MAP4: variants seen among roughly 807,000 people sequenced by gnomAD.
The protein encoded by MAP4 is microtubule-associated protein 4.
MAP4 carries 76 observed loss-of-function variants against 170.2 expected under a neutral mutation model. That is an observed-to-expected ratio of 0.45 (90% CI 0.37 to 0.54). The LOEUF is 0.54. Ranked by LOEUF, MAP4 falls within the 20% of genes least tolerant of loss-of-function variation. The pLI is 0.00. For missense variants in MAP4, 2,506 were observed against 2,748.0 expected (o/e 0.91, Z 1.97); for synonymous variants, 909 against 994.5 (o/e 0.91, Z 1.62).
Position 47,963,546 on chromosome 3 carries a change from G to A in MAP4, c.292+14319C>T, listed in dbSNP as rs548620025. Among the ~76,000 whole-genome samples the A allele has an allele frequency of 2.5e-3, 382 of 152,200 alleles. 2 individuals are homozygous for A. Among genetic ancestry groups the A allele is most frequent in the Non-Finnish European group, 3.5e-3 (241 of 68,014 alleles). ...AGATAACATATTTCCAGAAAGATGCGTACCAATAACCTGGCAAGAATTATT... is the reference window on the plus strand; with the variant it reads ...AGATAACATATTTCCAGAAAGATGCATACCAATAACCTGGCAAGAATTATT... On this transcript the variant is annotated intron_variant, in intron 3 of 20. Coordinates refer to ENST00000683076, the MANE Select transcript of MAP4 (RefSeq NM_001385682.1).
chr3:48,066,430 AGTTAGCCCTCCAAAGCCACAG>A, intron 1 of MAP4, among the ~76,000 whole-genome samples: 1 of 152,284 alleles, frequency 6.6e-6, no homozygotes, highest in South Asian at 2.1e-4. Context: ...TTTGATATAT[AGTTAGCCCTCCAAAGCCACAG>A]GTTCCACATC....
At chr3:48,028,584 C>A (rs190266886) in intron 1 of MAP4, among the ~76,000 whole-genome samples, 3 of 151,128 alleles carry the variant, frequency 2.0e-5, no homozygotes, top group Admixed American at 1.3e-4. Flanking sequence ...ACCAGCCTGG[C>A]CAAGATGGTG....
chr3:47,853,393 A>G (rs562931714), intron 19 of MAP4, 41 bp from the exon 20 acceptor site: 21,599 of 850,276 alleles, frequency 0.025, 296 homozygotes, highest in Middle Eastern at 0.072. Context: ...GGGTCAGTCG[A>G]GGGGGGGAGT....
intron 3 of MAP4, among the ~76,000 whole-genome samples, chr3:47,947,210 C>T (rs1456571018): frequency 6.6e-6 from 1 of 152,006 alleles, no homozygotes; most frequent in Non-Finnish European, 1.5e-5. Flanking sequence ...TCTTTGGTTC[C>T]CTCAGATTCT....
At chr3:47,937,602 A>C (rs1341881953) in intron 3 of MAP4, among the ~76,000 whole-genome samples, 1 of 151,498 alleles carries the variant, frequency 6.6e-6, no homozygotes, top group Admixed American at 6.6e-5. Flanking sequence ...GAAGGTAGGA[A>C]TCAATCTCAG....
At chr3:48,004,556 G>C (rs1486530546) in intron 1 of MAP4, among the ~76,000 whole-genome samples, 2 of 152,206 alleles carry the variant, frequency 1.3e-5, no homozygotes, top group African/African-American at 2.4e-5. Flanking sequence ...CCCTGAGTGA[G>C]AGTCTTAGCT....
In MAP4 at chr3:47,990,891, T is replaced by C. The variant is rs1348504443; in HGVS notation, c.223+7747A>G. ...TGCAAAACAAGTAGTACACATATCC[T>C]GAAAAAGTATTTGAGAATTGTTTCC... On this transcript the variant is annotated intron_variant, in intron 2 of 20. Transcript: ENST00000683076. Among the ~76,000 whole-genome samples, 3 of 152,204 alleles carry C rather than the reference T, an allele frequency of 2.0e-5. 1 individual carries two copies. In the East Asian group the frequency reaches 5.8e-4, roughly 29 times the overall value.
chr3:48,019,770 G>T (rs1189855755), upstream of MAP4, among the ~76,000 whole-genome samples: 1 of 152,080 alleles, frequency 6.6e-6, no homozygotes, highest in Non-Finnish European at 1.5e-5. Flanking sequence ...CCAGCTCTTG[G>T]GAGGCTGAGG....
intron 3 of MAP4, among the ~76,000 whole-genome samples, chr3:47,949,974 C>T (rs1268181317): frequency 1.3e-5 from 2 of 152,214 alleles, no homozygotes; most frequent in Non-Finnish European, 2.9e-5. Flanking sequence ...GCTTCCTAGA[C>T]AGTTTTGTTG....
chr3:47,909,653 C>T lies in MAP4; in HGVS notation c.4768G>A (p.Ala1590Thr). 1 of 1,613,974 alleles carries T rather than the reference C, an allele frequency of 6.2e-7. No homozygotes were observed. Among genetic ancestry groups the T allele is most frequent in the Non-Finnish European group, 8.5e-7 (1 of 1,179,888 alleles). ...PVEDQSLPGE[A>T]RALEGYADRG... ...TCTGCATATCCTTCTAGGGCTCTGGCCTCTCCTGGTAGGCTCTGGTCTTCT... is the reference window on the plus strand; with the variant it reads ...TCTGCATATCCTTCTAGGGCTCTGGTCTCTCCTGGTAGGCTCTGGTCTTCT... The change falls in exon 9 of 21, where the codon GCC (alanine) becomes ACC (threonine). Residue 1590 changes from alanine to threonine, a missense_variant. Physicochemically the swap from Ala to Thr is moderately conservative, Grantham distance 58 (BLOSUM62 0). Transcript: ENST00000683076.
At position 47,955,441 on chromosome 3, in the gene MAP4, C is replaced by CGT. The variant is rs1167786447; in HGVS notation, c.292+22423_292+22424insAC. Among the ~76,000 whole-genome samples, 293 of 92,062 alleles carry CGT rather than the reference C, an allele frequency of 3.2e-3. 1 individual carries two copies. The highest frequency in any genetic ancestry group is 9.4e-3 in the African/African-American group (275 of 29,382). The allele number at this position is 92,062 out of a possible 152,430, so 60.4% of individuals were successfully genotyped here. A position where few individuals can be genotyped will look rare whatever the true frequency, so the allele number is the denominator to read the frequency against. The stretch of plus-strand genomic sequence containing the variant: ...AAATAAATAAATAAGCACGTACACA[C>CGT]ACACACACACACACACACACACACA... On this transcript the variant is annotated intron_variant, in intron 3 of 20. Coordinates refer to ENST00000683076, the MANE Select transcript of MAP4 (RefSeq NM_001385682.1).
rs189145360 is a variant in MAP4, at chr3:47,986,878, C to T, written c.224-8945G>A. ...TTAGGATTAGACCAAGTACACCTAC[C>T]CTAAATAAATATCTACCATTTTGGA... On this transcript the variant is annotated intron_variant, in intron 2 of 20. Transcript: ENST00000683076. Among the ~76,000 whole-genome samples the T allele has an allele frequency of 3.7e-3, 563 of 152,090 alleles. 19 individuals are homozygous for T. The highest frequency in any genetic ancestry group is 0.034 in the Admixed American group (521 of 15,290).
chr3:48,086,110 G>GTGTA (rs758264444), intron 1 of MAP4, among the ~76,000 whole-genome samples: 1 of 139,112 alleles, frequency 7.2e-6, no homozygotes, highest in Non-Finnish European at 1.5e-5. Context: ...ATATGTATAT[G>GTGTA]TGTATGTATA....
chr3:47,863,574 C>A (rs1477042364), intron 17 of MAP4, among the ~76,000 whole-genome samples: 1 of 152,074 alleles, frequency 6.6e-6, no homozygotes, highest in East Asian at 1.9e-4. Flanking sequence ...CTTGTGCTTA[C>A]ACAGGCTGCC....
At chr3:47,932,634 T>C (rs2100050540) in intron 3 of MAP4, among the ~76,000 whole-genome samples, 1 of 152,178 alleles carries the variant, frequency 6.6e-6, no homozygotes, top group African/African-American at 2.4e-5. Flanking sequence ...AGAAGTAGCA[T>C]CTTATTGTGG....
chr3:48,014,836 G>C (rs1426545944), intron 1 of MAP4, among the ~76,000 whole-genome samples: 1 of 152,154 alleles, frequency 6.6e-6, no homozygotes, highest in Non-Finnish European at 1.5e-5. Context: ...TAATTTAAAA[G>C]TGGGTAAGAA....
chr3:47,979,960 G>A (rs2100084527), intron 2 of MAP4, among the ~76,000 whole-genome samples: 1 of 152,012 alleles, frequency 6.6e-6, no homozygotes, highest in South Asian at 2.1e-4. Context: ...AAGTAGCTGG[G>A]ACCACAGGTG....
At chr3:47,951,905 G>A (rs899241791) in intron 3 of MAP4, among the ~76,000 whole-genome samples, 1 of 151,542 alleles carries the variant, frequency 6.6e-6, no homozygotes, top group Non-Finnish European at 1.5e-5. Context: ...AGGAAGTGAG[G>A]AGCGCCTCTT....
intron 1 of MAP4, among the ~76,000 whole-genome samples, chr3:48,034,051 G>A (rs1205074704): frequency 6.6e-6 from 1 of 152,078 alleles, no homozygotes; most frequent in Non-Finnish European, 1.5e-5. Context: ...CTTTCTACAC[G>A]TGGCCAACCA....
Sources: gnomAD v4.1 joint callset for allele counts (sites outside exome capture counted in the v4.1 genomes callset) on GRCh38, gnomAD v4.1.1 for gene constraint, MANE v1.5 for transcripts, NCBI Gene and HGNC (gene_info 2026-07-23, HGNC 2026-07-21) for gene names.